Variants in BTBD16 observed in about 807,000 individuals in gnomAD.
BTBD16 encodes the protein BTB/POZ domain-containing protein 16.
A neutral mutation model predicts 67.4 loss-of-function variants in BTBD16; 66 were observed. That is an observed-to-expected ratio of 0.98 (90% CI 0.80 to 1.20). The LOEUF (loss-of-function observed/expected upper bound fraction) is 1.20. Among genes scored for constraint, BTBD16 ranks in the 50% most tolerant of loss-of-function variants. The pLI is 0.00. For missense variants in BTBD16, 634 were observed against 616.0 expected, an observed-to-expected ratio of 1.03 and a Z score of -0.31; for synonymous variants, 242 against 236.4, an observed-to-expected ratio of 1.02 and a Z score of -0.22.
chr10:122,284,016 A>C, intron 4 of BTBD16, 92 bp downstream of exon 4: 2 of 919,296 alleles, frequency 2.2e-6, no homozygotes. Flanking sequence ...TCCATAAACC[A>C]GGGCGCTAGT....
intron 1 of BTBD16, among the ~76,000 whole-genome samples, chr10:122,274,380 G>A (rs1217372821): frequency 2.6e-5 from 4 of 152,188 alleles, no homozygotes; most frequent in Non-Finnish European, 5.9e-5. Context: ...CCAACTCCTG[G>A]TGCGTGCCAC....
intron 13 of BTBD16, chr10:122,332,930 G>A: frequency 2.0e-6 from 2 of 985,360 alleles, no homozygotes; most frequent in Non-Finnish European, 2.4e-6. Flanking sequence ...GGTGAACTCA[G>A]TCTGGGCAGC....
intron 5 of BTBD16, among the ~76,000 whole-genome samples, chr10:122,288,868 A>G (rs944574072): frequency 3.3e-5 from 5 of 152,072 alleles, no homozygotes; most frequent in Non-Finnish European, 5.9e-5. Flanking sequence ...TGGGGGCATG[A>G]TGGGCAGAGC....
chr10:122,333,547 CCTT>C lies in BTBD16; in HGVS notation c.1164+1038_1164+1040del, dbSNP rs549604717. Among the ~76,000 whole-genome samples, 254 of 152,254 alleles carry C rather than the reference CCTT, an allele frequency of 1.7e-3. 2 individuals carry two copies. Among genetic ancestry groups the C allele is most frequent in the African/African-American group, 5.9e-3 (245 of 41,550 alleles). On this transcript the variant is annotated intron_variant, in intron 13 of 15. Transcript: ENST00000260723. ...GAAACACTGATTACCTGATCTCAAA[CCTT>C]CTTTGCCAAGCAGGATTGCAGCCAG...
At chr10:122,329,003 A>C (rs1238431429) in intron 10 of BTBD16, among the ~76,000 whole-genome samples, 1 of 152,128 alleles carries the variant, frequency 6.6e-6, no homozygotes, top group Non-Finnish European at 1.5e-5. Flanking sequence ...TTGGTCACTT[A>C]CTGGAAGGGC....
intron 13 of BTBD16, among the ~76,000 whole-genome samples, chr10:122,333,522 G>A (rs140730520): frequency 3.2e-4 from 49 of 152,272 alleles, no homozygotes; most frequent in Middle Eastern, 3.4e-3. Flanking sequence ...AAACCCTCCA[G>A]AAACACTGAT....
At chr10:122,303,552 G>C (rs1372132697) in intron 9 of BTBD16, 2 of 182,336 alleles carry the variant, frequency 1.1e-5, no homozygotes, top group Non-Finnish European at 2.1e-5. Context: ...ACAAGCGATG[G>C]AGCAGTGGGC....
chr10:122,296,544 G>T lies in BTBD16; in HGVS notation c.591-1224G>T, dbSNP rs145812124. 3.2e-3 allele frequency among the ~76,000 whole-genome samples: 481 copies of T among 152,274 alleles called. 4 individuals carry two copies. The highest frequency in any genetic ancestry group is 0.014 in the Middle Eastern group (4 of 294). Reference sequence around the variant, plus strand: ...TATGAGATCCCAGTGGCTACTCTCGGGTGCCCTGCTCAATGAAGTGAACAT... The same window carrying T: ...TATGAGATCCCAGTGGCTACTCTCGTGTGCCCTGCTCAATGAAGTGAACAT... On this transcript the variant is annotated intron_variant, in intron 7 of 15. Transcript: ENST00000260723.
intron 1 of BTBD16, among the ~76,000 whole-genome samples, chr10:122,273,732 A>G (rs1051871923): frequency 2.0e-5 from 3 of 152,216 alleles, no homozygotes; most frequent in African/African-American, 4.8e-5. Flanking sequence ...TGGGCAACAG[A>G]GCAAGACCCT....
At chr10:122,330,707 G>A (rs1019292144) in intron 11 of BTBD16, among the ~76,000 whole-genome samples, 3 of 152,102 alleles carry the variant, frequency 2.0e-5, no homozygotes, top group African/African-American at 7.2e-5. Flanking sequence ...GTTTGTATAA[G>A]GTGGTTTTTT....
chr10:122,272,975 T>A (rs1254509266), intron 1 of BTBD16, among the ~76,000 whole-genome samples: 1 of 151,964 alleles, frequency 6.6e-6, no homozygotes, highest in Non-Finnish European at 1.5e-5. Context: ...AAAGTTCAAA[T>A]TAAAGTAAGA....
chr10:122,308,009 T>C (rs2096406659), intron 10 of BTBD16, among the ~76,000 whole-genome samples: 1 of 152,226 alleles, frequency 6.6e-6, no homozygotes. Flanking sequence ...CTGTGTTTAG[T>C]TTCCATATAA....
chr10:122,282,511 G>A (rs1045841750), intron 3 of BTBD16, among the ~76,000 whole-genome samples: 1 of 152,220 alleles, frequency 6.6e-6, no homozygotes, highest in Non-Finnish European at 1.5e-5. Context: ...AGACAGCGTG[G>A]TGAAGTTGAC....
intron 10 of BTBD16, among the ~76,000 whole-genome samples, chr10:122,319,133 T>C (rs2142113927): frequency 6.6e-6 from 1 of 152,252 alleles, no homozygotes; most frequent in East Asian, 1.9e-4. Context: ...ACAAGTCCTT[T>C]GTCAGATACA....
intron 10 of BTBD16, 61 bp from the exon 11 acceptor site, chr10:122,329,419 G>T: frequency 1.3e-6 from 2 of 1,535,124 alleles, no homozygotes; most frequent in Non-Finnish European, 9.0e-7. Flanking sequence ...TCCCTAGCCC[G>T]AGCTAATTCC....
chr10:122,328,836 G>A lies in BTBD16; in HGVS notation c.912-644G>A, dbSNP rs1391506946. On this transcript the variant is annotated intron_variant, in intron 10 of 15. Coordinates refer to ENST00000260723, the MANE Select transcript of BTBD16 (RefSeq NM_144587.5). ...AAGAACTGGATCTTCTCAACCCAGC[G>A]CTGAACTTCAGCTCCGTGAGGAAGT... 9 of 985,242 alleles carry A rather than the reference G, an allele frequency of 9.1e-6. No homozygotes were observed. In the East Asian group the frequency reaches 3.4e-4, roughly 37 times the overall value. 61.0% of individuals were successfully genotyped at this position (985,242 alleles called of 1,614,324 possible).
chr10:122,307,327 G>C lies in BTBD16; in HGVS notation c.911+19G>C. 1.3e-6 allele frequency: 2 copies of C among 1,583,504 alleles called. No homozygotes were observed. The highest frequency in any genetic ancestry group is 1.7e-6 in the Non-Finnish European group (2 of 1,167,670). On this transcript the variant is annotated intron_variant, in intron 10 of 15. Transcript: ENST00000260723. ...TTAAGAGGTAATATAACTTAGTGTTGATTGATGAAATACACAAATACTGAA... is the reference window on the plus strand; with the variant it reads ...TTAAGAGGTAATATAACTTAGTGTTCATTGATGAAATACACAAATACTGAA...
intron 3 of BTBD16, among the ~76,000 whole-genome samples, chr10:122,283,136 G>A (rs1407931400): frequency 2.0e-5 from 3 of 152,216 alleles, no homozygotes; most frequent in Non-Finnish European, 4.4e-5. Flanking sequence ...GCAGGAGAGA[G>A]ACAAGACCAA....
chr10:122,277,821 C>T (rs924469096), intron 3 of BTBD16, among the ~76,000 whole-genome samples: 3 of 152,154 alleles, frequency 2.0e-5, no homozygotes, highest in Non-Finnish European at 2.9e-5. Flanking sequence ...AATTTCTACA[C>T]GAGGTTTGGA....
Sources: allele counts gnomAD v4.1 joint callset (sites outside exome capture counted in the v4.1 genomes callset), GRCh38; gene constraint gnomAD v4.1.1; transcripts MANE v1.5; gene names NCBI Gene and HGNC (gene_info 2026-07-23, HGNC 2026-07-21).